Variants in KCNMA1 observed in about 807,000 individuals in gnomAD.
KCNMA1 encodes Calcium-activated potassium channel subunit alpha-1.
Under a neutral mutation model 140.0 loss-of-function variants are expected in KCNMA1, and 29 were observed. The observed-to-expected ratio is 0.21, with a 90% CI of 0.15 to 0.28. The LOEUF is 0.28. KCNMA1 is among the 10% of genes least tolerant of loss of function. The pLI, the probability that KCNMA1 is intolerant of heterozygous loss-of-function variation, is 1.00. For missense variants in KCNMA1, 880 were observed against 1,602.2 expected, an observed-to-expected ratio of 0.55 and a Z score of 7.70; for synonymous variants, 612 against 611.9, an observed-to-expected ratio of 1.00 and a Z score of 0.00.
At chr10:77,431,263 T>C (rs887945072) in intron 1 of KCNMA1, among the ~76,000 whole-genome samples, 1 of 152,184 alleles carries the variant, frequency 6.6e-6, no homozygotes, top group Non-Finnish European at 1.5e-5. Flanking sequence ...GGAGAGGCCA[T>C]AGATTGGCTC....
At chr10:77,161,169 C>G (rs990286896) in intron 5 of KCNMA1, among the ~76,000 whole-genome samples, 2 of 152,180 alleles carry the variant, frequency 1.3e-5, no homozygotes, top group African/African-American at 4.8e-5. Flanking sequence ...AGCTGTTTTA[C>G]TGACACTTGT....
chr10:77,631,640 G>A (rs1052632048), intron 1 of KCNMA1, among the ~76,000 whole-genome samples: 1 of 152,192 alleles, frequency 6.6e-6, no homozygotes, highest in East Asian at 1.9e-4. Flanking sequence ...CCTGATGAGA[G>A]AGAGAGAAAG....
intron 5 of KCNMA1, among the ~76,000 whole-genome samples, chr10:77,134,641 C>T (rs2097943265): frequency 6.6e-6 from 1 of 151,800 alleles, no homozygotes; most frequent in African/African-American, 2.4e-5. Flanking sequence ...GCAATAAAAG[C>T]AAAAATGGAC....
chr10:77,438,494 C>G (rs1264880606), intron 1 of KCNMA1, among the ~76,000 whole-genome samples: 1 of 150,220 alleles, frequency 6.7e-6, no homozygotes, highest in African/African-American at 2.5e-5. Flanking sequence ...ACCTGGGAGG[C>G]AGAGGCTGCA....
At chr10:77,394,604 C>T (rs918399214) in intron 2 of KCNMA1, among the ~76,000 whole-genome samples, 1 of 152,180 alleles carries the variant, frequency 6.6e-6, no homozygotes. Flanking sequence ...ATATGTTCAC[C>T]CCAGCTGGGA....
chr10:77,368,547 C>T (rs921787480), intron 2 of KCNMA1, among the ~76,000 whole-genome samples: 2 of 152,102 alleles, frequency 1.3e-5, no homozygotes, highest in Non-Finnish European at 2.9e-5. Context: ...CTAATTTTGA[C>T]GTGTCTAAGT....
At position 77,066,534 on chromosome 10, in the gene KCNMA1, T is replaced by C. The variant is rs545606664; in HGVS notation, c.1749+6563A>G. Among the ~76,000 whole-genome samples, 19 of 152,272 alleles carry C rather than the reference T, an allele frequency of 1.2e-4. No homozygotes were observed. In the South Asian group the frequency reaches 3.7e-3, roughly 30 times the overall value. ...TGAGAGGAGATGGGGTATTCAAATG[T>C]AGGTGTTGAGCAGCAGTTGAATCGG... On this transcript the variant is annotated intron_variant, in intron 14 of 27. Coordinates refer to ENST00000286628, the MANE Select transcript of KCNMA1 (RefSeq NM_001161352.2).
intron 1 of KCNMA1, among the ~76,000 whole-genome samples, chr10:77,500,822 T>C (rs2043596319): frequency 6.6e-6 from 1 of 152,224 alleles, no homozygotes; most frequent in African/African-American, 2.4e-5. Flanking sequence ...CTGCGTTAAC[T>C]GGTCAACTGG....
In KCNMA1 at chr10:77,394,350, C is replaced by T. The variant is rs192964500; in HGVS notation, c.540+9512G>A. On this transcript the variant is annotated intron_variant, in intron 2 of 27. Transcript: ENST00000286628. Reference sequence around the variant, plus strand: ...AAATTAACAGCTGCTCTTTACAGGGCGTGCCGGAGAGCCCAGCACATGGCT... The same window carrying T: ...AAATTAACAGCTGCTCTTTACAGGGTGTGCCGGAGAGCCCAGCACATGGCT... 5.4e-4 allele frequency among the ~76,000 whole-genome samples: 82 copies of T among 152,288 alleles called. 1 individual carries two copies. In the East Asian group the frequency reaches 0.015, roughly 27 times the overall value.
chr10:77,487,659 T>C (rs1022687659), intron 1 of KCNMA1, among the ~76,000 whole-genome samples: 1 of 152,232 alleles, frequency 6.6e-6, no homozygotes, highest in Non-Finnish European at 1.5e-5. Context: ...TTTCTCTTTT[T>C]ATCCCCAAAA....
At chr10:77,007,653 G>GTGTGTGTGTATATATATA in intron 18 of KCNMA1, among the ~76,000 whole-genome samples, 23 of 88,464 alleles carry the variant, frequency 2.6e-4, no homozygotes, top group Non-Finnish European at 3.5e-4. Context: ...TTGTGTGTGT[G>GTGTGTGTGTATATATATA]TATATATATA....
At chr10:77,043,628 G>A (rs144269441) in intron 14 of KCNMA1, among the ~76,000 whole-genome samples, 14 of 152,324 alleles carry the variant, frequency 9.2e-5, no homozygotes, top group African/African-American at 3.4e-4. Context: ...TAAACAAAGT[G>A]TGGTAATTTA....
intron 19 of KCNMA1, among the ~76,000 whole-genome samples, chr10:76,988,988 T>C (rs919349768): frequency 9.9e-5 from 15 of 152,230 alleles, no homozygotes; most frequent in South Asian, 8.3e-4. Context: ...GTAACAAATA[T>C]GATGAGGAGG....
chr10:77,203,992 A>G (rs2043240677), intron 3 of KCNMA1, among the ~76,000 whole-genome samples: 1 of 151,870 alleles, frequency 6.6e-6, no homozygotes, highest in Non-Finnish European at 1.5e-5. Context: ...GCTACTTGGG[A>G]GACTGAGTCA....
intron 20 of KCNMA1, among the ~76,000 whole-genome samples, chr10:76,954,768 G>T (rs192794075): frequency 6.6e-6 from 1 of 152,210 alleles, no homozygotes; most frequent in African/African-American, 2.4e-5. Context: ...GGCAACATTC[G>T]CCCTCTATTG....
intron 1 of KCNMA1, among the ~76,000 whole-genome samples, chr10:77,614,464 C>G (rs961408067): frequency 1.3e-5 from 2 of 152,318 alleles, no homozygotes; most frequent in South Asian, 4.1e-4. Context: ...CGGGGCTCAT[C>G]GCCATCCCTC....
chr10:77,402,856 G>A (rs1453245064), intron 2 of KCNMA1, among the ~76,000 whole-genome samples: 1 of 152,140 alleles, frequency 6.6e-6, no homozygotes, highest in Non-Finnish European at 1.5e-5. Flanking sequence ...CTAGCTTCAT[G>A]CCAGGACAGG....
chr10:77,191,899 T>C (rs1016967080), intron 3 of KCNMA1, among the ~76,000 whole-genome samples: 2 of 152,158 alleles, frequency 1.3e-5, no homozygotes, highest in Non-Finnish European at 2.9e-5. Context: ...TTAATCCTTT[T>C]GATGGCAGCA....
intron 1 of KCNMA1, among the ~76,000 whole-genome samples, chr10:77,497,474 CAA>C (rs2042370050): frequency 6.6e-6 from 1 of 152,208 alleles, no homozygotes; most frequent in Admixed American, 6.5e-5. Flanking sequence ...CACCTCGTGA[CAA>C]AGAACCAATG....
Sources: allele counts gnomAD v4.1 joint callset (sites outside exome capture counted in the v4.1 genomes callset), GRCh38; gene constraint gnomAD v4.1.1; transcripts MANE v1.5; gene names NCBI Gene and HGNC (gene_info 2026-07-23, HGNC 2026-07-21).